The following MICU3 variants were observed in gnomAD, a reference collection of about 807,000 sequenced individuals.
MICU3 encodes the protein calcium uptake protein 3, mitochondrial.
Under a neutral mutation model 66.5 loss-of-function variants are expected in MICU3, and 62 were observed. The observed-to-expected ratio is 0.93, with a 90% confidence interval of 0.76 to 1.15. The LOEUF is 1.15. Ranked by LOEUF, MICU3 falls within the 50% of genes most tolerant of loss-of-function variation. MICU3 has a pLI of 0.00. For missense variants in MICU3, 779 were observed against 664.4 expected, an observed-to-expected ratio of 1.17 and a Z score of -1.90; for synonymous variants, 308 against 240.7, an observed-to-expected ratio of 1.28 and a Z score of -2.59.
At chr8:17,067,794 G>T (rs1208542153) in intron 2 of MICU3, among the ~76,000 whole-genome samples, 1 of 151,772 alleles carries the variant, frequency 6.6e-6, no homozygotes, top group Non-Finnish European at 1.5e-5. Flanking sequence ...TTTTTTCGCT[G>T]TTTAAAATCA....
chr8:17,091,628 T>C (rs1271260601), intron 8 of MICU3, among the ~76,000 whole-genome samples: 1 of 152,046 alleles, frequency 6.6e-6, no homozygotes, highest in Non-Finnish European at 1.5e-5. Flanking sequence ...GGACCTGGAA[T>C]GGGTAGAGAA....
chr8:17,056,639 C>T (rs1816978002), intron 1 of MICU3, among the ~76,000 whole-genome samples: 1 of 152,178 alleles, frequency 6.6e-6, no homozygotes, highest in Non-Finnish European at 1.5e-5. Flanking sequence ...TAAAGGAAAT[C>T]ACTAGGATTT....
At chr8:17,042,843 A>G (rs1053344231) in intron 1 of MICU3, among the ~76,000 whole-genome samples, 6 of 151,812 alleles carry the variant, frequency 4.0e-5, no homozygotes, top group African/African-American at 1.5e-4. Context: ...TGACACTGTA[A>G]GTATTGACTA....
At chr8:17,068,831 T>G (rs1432816684) in intron 2 of MICU3, among the ~76,000 whole-genome samples, 3 of 152,202 alleles carry the variant, frequency 2.0e-5, no homozygotes, top group African/African-American at 7.2e-5. Flanking sequence ...AAGAAGATGT[T>G]GGTTGGCATT....
At chr8:17,040,785 T>A (rs914160080) in intron 1 of MICU3, among the ~76,000 whole-genome samples, 1 of 152,190 alleles carries the variant, frequency 6.6e-6, no homozygotes, top group Non-Finnish European at 1.5e-5. Flanking sequence ...TGGTTAACTT[T>A]CCATGATTTC....
downstream of MICU3, among the ~76,000 whole-genome samples, chr8:17,125,315 A>G (rs1323815665): frequency 6.6e-6 from 1 of 151,286 alleles, no homozygotes; most frequent in Non-Finnish European, 1.5e-5. Flanking sequence ...TTCATCTATT[A>G]TCTTTTATTC....
At chr8:17,085,075 A>G (rs989396855) in intron 5 of MICU3, among the ~76,000 whole-genome samples, 161 bp from the exon 6 acceptor site, 3 of 152,146 alleles carry the variant, frequency 2.0e-5, no homozygotes, top group African/African-American at 7.2e-5. Flanking sequence ...ATCAATTTTT[A>G]TTAAGTGTAC....
In MICU3 at chr8:17,087,098, A is replaced by G. The variant is rs542717464; in HGVS notation, c.849+63A>G. On this transcript the variant is annotated intron_variant, in intron 7 of 14. Transcript: ENST00000318063. ...AGGCAACAATTATTTTATTCATGTT[A>G]AGAAACAATAATTAAAGTTTGTAAC... 10 of 1,072,052 alleles carry G rather than the reference A, an allele frequency of 9.3e-6. No individual in the cohort carries two copies. The Admixed American group carries it at 2.3e-4, about 24-fold the overall frequency. The allele number at this position is 1,072,052 out of a possible 1,614,324, so 66.4% of individuals were successfully genotyped here.
intron 9 of MICU3, among the ~76,000 whole-genome samples, chr8:17,099,482 G>A (rs1477969371): frequency 6.6e-6 from 1 of 151,488 alleles, no homozygotes; most frequent in Non-Finnish European, 1.5e-5. Context: ...TCTAGACTAG[G>A]GCAAACACTT....
At chr8:17,027,779 C>G in intron 1 of MICU3, 119 bp downstream of exon 1, 12 of 1,190,500 alleles carry the variant, frequency 1.0e-5, no homozygotes, top group African/African-American at 1.6e-5. Context: ...AGGAACTTCC[C>G]GTGAGCGAGG....
intron 8 of MICU3, 183 bp downstream of exon 8, chr8:17,090,767 T>C: frequency 2.3e-6 from 1 of 437,980 alleles, no homozygotes; most frequent in Non-Finnish European, 4.0e-6. Flanking sequence ...ATGTGAAGAC[T>C]AAAATATGCA....
At chr8:17,110,843 G>C (rs922338925) in intron 11 of MICU3, among the ~76,000 whole-genome samples, 8 of 151,932 alleles carry the variant, frequency 5.3e-5, no homozygotes, top group African/African-American at 1.9e-4. Flanking sequence ...TCCCAAAGTA[G>C]TGGGATCACA....
intron 11 of MICU3, among the ~76,000 whole-genome samples, chr8:17,110,819 C>G (rs192566795): frequency 1.1e-4 from 16 of 152,078 alleles, no homozygotes; most frequent in Admixed American, 9.2e-4. Flanking sequence ...TCAAGTGATC[C>G]TCCCACCTCA....
At chr8:17,068,709 G>T (rs1371680036) in intron 2 of MICU3, among the ~76,000 whole-genome samples, 1 of 152,068 alleles carries the variant, frequency 6.6e-6, no homozygotes, top group Non-Finnish European at 1.5e-5. Flanking sequence ...ATTTTAAATT[G>T]AGTTGTTTTG....
chr8:17,036,710 G>C (rs900938469), intron 1 of MICU3, among the ~76,000 whole-genome samples: 2 of 152,218 alleles, frequency 1.3e-5, no homozygotes, highest in African/African-American at 4.8e-5. Context: ...TAGATATAAA[G>C]ACTCTCCACG....
the MICU3 span, among the ~76,000 whole-genome samples, chr8:17,136,528 C>CTTT: frequency 2.0e-5 from 3 of 152,042 alleles, no homozygotes; most frequent in African/African-American, 7.2e-5. Flanking sequence ...GAAAATGGAG[C>CTTT]TTGTGGAGGG....
At position 17,111,487 on chromosome 8, in the gene MICU3, A is replaced by G. The variant is rs142118102; in HGVS notation, c.1258-2606A>G. Among the ~76,000 whole-genome samples, 697 of 152,090 alleles carry G rather than the reference A, an allele frequency of 4.6e-3. 6 individuals are homozygous for G. Among genetic ancestry groups the G allele is most frequent in the African/African-American group, 0.016 (650 of 41,496 alleles). On this transcript the variant is annotated intron_variant, in intron 11 of 14. Coordinates refer to ENST00000318063, the MANE Select transcript of MICU3 (RefSeq NM_181723.3). ...CAGTCCCATGCTACCACACCCAGCT[A>G]ATTTTGATAGTGTTCTTTAATGTAC...
the MICU3 span, among the ~76,000 whole-genome samples, chr8:17,138,153 G>C: frequency 6.6e-6 from 1 of 152,078 alleles, no homozygotes; most frequent in Non-Finnish European, 1.5e-5. Context: ...AAGAGAATTT[G>C]ATGTTTAAAG....
At chr8:17,036,440 C>T (rs1244048351) in intron 1 of MICU3, among the ~76,000 whole-genome samples, 2 of 152,160 alleles carry the variant, frequency 1.3e-5, no homozygotes, top group Non-Finnish European at 2.9e-5. Context: ...CTTTTATTCT[C>T]TTATCTGGCC....
Sources: gnomAD v4.1 joint callset for allele counts (sites outside exome capture counted in the v4.1 genomes callset) on GRCh38, gnomAD v4.1.1 for gene constraint, MANE v1.5 for transcripts, NCBI Gene and HGNC (gene_info 2026-07-23, HGNC 2026-07-21) for gene names.